SKAP1: variants seen among roughly 807,000 people sequenced by gnomAD.
SKAP1 encodes src kinase associated phosphoprotein 1, also known as src kinase-associated phosphoprotein 1.
In SKAP1, 44 loss-of-function variants were observed where a neutral mutation model predicts 58.5. The observed-to-expected ratio is 0.75, with a 90% CI of 0.59 to 0.97. SKAP1 has a LOEUF of 0.97. SKAP1 is among the 50% of genes least tolerant of loss of function. SKAP1 has a pLI of 0.00. For synonymous variants in SKAP1, 127 were observed against 149.7 expected, an observed-to-expected ratio of 0.85 and a Z score of 1.11; for missense variants, 390 against 435.2, an observed-to-expected ratio of 0.90 and a Z score of 0.92.
intron 4 of SKAP1, among the ~76,000 whole-genome samples, chr17:48,313,184 C>G (rs1019174717): frequency 1.3e-5 from 2 of 151,986 alleles, no homozygotes; most frequent in East Asian, 1.9e-4. Flanking sequence ...TGAACAGGAA[C>G]CGAACCTTGA....
intron 4 of SKAP1, among the ~76,000 whole-genome samples, chr17:48,294,141 G>A (rs979939932): frequency 2.6e-5 from 4 of 152,128 alleles, no homozygotes; most frequent in Non-Finnish European, 5.9e-5. Context: ...TTCAGGGGGC[G>A]CCAGGCTCTC....
At chr17:48,214,937 A>AAAATG (rs2064919992) in intron 4 of SKAP1, among the ~76,000 whole-genome samples, 1 of 148,372 alleles carries the variant, frequency 6.7e-6, no homozygotes, top group South Asian at 2.2e-4. Flanking sequence ...AAAGTAAAAT[A>AAAATG]AAATAAAATA....
At chr17:48,407,929 G>A (rs60352246) in intron 1 of SKAP1, among the ~76,000 whole-genome samples, 5 of 151,222 alleles carry the variant, frequency 3.3e-5, no homozygotes, top group African/African-American at 4.9e-5. Context: ...TTTTTCAGAG[G>A]GGGGGGAATC....
chr17:48,156,261 T>C (rs746623605), intron 11 of SKAP1, among the ~76,000 whole-genome samples: 23 of 152,200 alleles, frequency 1.5e-4, no homozygotes, highest in Non-Finnish European at 3.1e-4. Flanking sequence ...GTGAAATTAA[T>C]TGGGACAAGA....
At chr17:48,138,366 G>A (rs1043074947) in intron 11 of SKAP1, among the ~76,000 whole-genome samples, 26 of 150,832 alleles carry the variant, frequency 1.7e-4, no homozygotes, top group African/African-American at 6.3e-4. Flanking sequence ...CATCACACCC[G>A]GCTATTTTTT....
At chr17:48,203,360 C>T (rs1163260118) in intron 4 of SKAP1, among the ~76,000 whole-genome samples, 2 of 152,164 alleles carry the variant, frequency 1.3e-5, no homozygotes, top group African/African-American at 4.8e-5. Context: ...TTCTGCTTCA[C>T]GGCACTTGGT....
intron 4 of SKAP1, among the ~76,000 whole-genome samples, chr17:48,241,025 A>G (rs2065239001): frequency 6.6e-6 from 1 of 152,190 alleles, no homozygotes; most frequent in African/African-American, 2.4e-5. Context: ...ATGTGAGGCC[A>G]TGAGACAGCA....
intron 2 of SKAP1, among the ~76,000 whole-genome samples, chr17:48,367,871 C>A (rs182232477): frequency 4.7e-5 from 7 of 149,830 alleles, no homozygotes; most frequent in Admixed American, 4.7e-4. Flanking sequence ...GCTGTGATCA[C>A]GCCACTGGAC....
At chr17:48,283,449 TG>T (rs1458506359) in intron 4 of SKAP1, among the ~76,000 whole-genome samples, 1 of 152,210 alleles carries the variant, frequency 6.6e-6, no homozygotes, top group Non-Finnish European at 1.5e-5. Flanking sequence ...GTCTGTGACC[TG>T]GGGCAAGTTA....
chr17:48,293,112 CAATAT>C (rs2065919107), intron 4 of SKAP1, among the ~76,000 whole-genome samples: 1 of 152,074 alleles, frequency 6.6e-6, no homozygotes, highest in African/African-American at 2.4e-5. Flanking sequence ...ATGTAGTTTT[CAATAT>C]AATATATTAA....
At chr17:48,159,492 C>T (rs1312414108) in intron 11 of SKAP1, among the ~76,000 whole-genome samples, 1 of 152,162 alleles carries the variant, frequency 6.6e-6, no homozygotes. Context: ...TAAAATAGAG[C>T]TTTCTAGACA....
chr17:48,289,048 A>G (rs566045513), intron 4 of SKAP1, among the ~76,000 whole-genome samples: 1 of 152,126 alleles, frequency 6.6e-6, no homozygotes, highest in African/African-American at 2.4e-5. Flanking sequence ...AAATTATTAT[A>G]AAGTGGTGAA....
At chr17:48,262,481 C>T (rs1241536903) in intron 4 of SKAP1, among the ~76,000 whole-genome samples, 1 of 152,126 alleles carries the variant, frequency 6.6e-6, no homozygotes, top group Non-Finnish European at 1.5e-5. Context: ...AAAATTCTGT[C>T]ATTCACTGTT....
At chr17:48,382,181 TAAAAAAA>T (rs11285092) in intron 2 of SKAP1, among the ~76,000 whole-genome samples, 4 of 137,538 alleles carry the variant, frequency 2.9e-5, no homozygotes, top group African/African-American at 1.1e-4. Context: ...CTATTATTCT[TAAAAAAA>T]AAAAAAAACC....
chr17:48,144,188 TAATC>T (rs1454291767), intron 11 of SKAP1, among the ~76,000 whole-genome samples: 1 of 152,166 alleles, frequency 6.6e-6, no homozygotes, highest in Non-Finnish European at 1.5e-5. Context: ...CCTGGGAGCT[TAATC>T]AAAGCACCTA....
chr17:48,365,538 TTCACA>T (rs2066990709), intron 2 of SKAP1, among the ~76,000 whole-genome samples: 1 of 152,106 alleles, frequency 6.6e-6, no homozygotes, highest in South Asian at 2.1e-4. Context: ...CCCTCACCCC[TTCACA>T]TCCCTCCACC....
chr17:48,301,225 A>G (rs1342918191), intron 4 of SKAP1, among the ~76,000 whole-genome samples: 2 of 152,176 alleles, frequency 1.3e-5, no homozygotes, highest in Non-Finnish European at 2.9e-5. Flanking sequence ...TAAGATCACT[A>G]ATAACTAGGC....
At chr17:48,401,747 G>C (rs1014085674) in intron 1 of SKAP1, among the ~76,000 whole-genome samples, 1 of 151,266 alleles carries the variant, frequency 6.6e-6, no homozygotes, top group African/African-American at 2.4e-5. Flanking sequence ...GAAAAAAAAA[G>C]CAACCAAATA....
upstream of SKAP1, among the ~76,000 whole-genome samples, chr17:48,434,016 T>C (rs139083848): frequency 1.1e-3 from 166 of 152,320 alleles, no homozygotes; most frequent in Non-Finnish European, 2.1e-3. Flanking sequence ...GAAATGGGTC[T>C]GGAGAGGAAA....
Sources: gnomAD v4.1 joint callset for allele counts (sites outside exome capture counted in the v4.1 genomes callset) on GRCh38, gnomAD v4.1.1 for gene constraint, MANE v1.5 for transcripts, NCBI Gene and HGNC (gene_info 2026-07-23, HGNC 2026-07-21) for gene names.